The following E2F2 variants were observed in gnomAD, a reference collection of about 807,000 sequenced individuals.
The protein encoded by E2F2 is E2F transcription factor 2.
Under a neutral mutation model 42.2 loss-of-function variants are expected in E2F2, and 22 were observed. That is an observed-to-expected ratio of 0.52 (90% confidence interval 0.37 to 0.74). The LOEUF (loss-of-function observed/expected upper bound fraction) is 0.74. Ranked by LOEUF, E2F2 falls within the 30% of genes least tolerant of loss-of-function variation. E2F2 has a pLI of 0.00. For synonymous variants in E2F2, 248 were observed against 251.6 expected, an observed-to-expected ratio of 0.99 and a Z score of 0.13; for missense variants, 481 against 557.8, an observed-to-expected ratio of 0.86 and a Z score of 1.39.
Position 23,531,118 on chromosome 1 carries a change from G to T in E2F2, c.-325C>A. 1 of 301,348 alleles carries T rather than the reference G, an allele frequency of 3.3e-6. No individual in the cohort carries two copies. Among genetic ancestry groups the T allele is most frequent in the Non-Finnish European group, 6.1e-6 (1 of 163,516 alleles). 18.7% of individuals were successfully genotyped at this position (301,348 alleles called of 1,614,324 possible). A position where few individuals can be genotyped will look rare whatever the true frequency, so the allele number is the denominator to read the frequency against. On this transcript the variant is annotated 5_prime_UTR_variant, in exon 1 of 7. Coordinates refer to ENST00000361729, the MANE Select transcript of E2F2 (RefSeq NM_004091.4). ...CCTGGGGTCCGGCCGGCTCTGGGGA[G>T]GGGTCCCCGGCGTGCCCTCAAGCTC...
intron 4 of E2F2, among the ~76,000 whole-genome samples, chr1:23,520,145 C>T (rs1643108866): frequency 6.9e-6 from 1 of 144,772 alleles, no homozygotes; most frequent in African/African-American, 2.6e-5. Context: ...ACTTAGGAGG[C>T]TGAGGCAGGA....
chr1:23,521,532 C>T (rs1365586750), intron 3 of E2F2: 1 of 985,174 alleles, frequency 1.0e-6, no homozygotes, highest in Non-Finnish European at 1.2e-6. Flanking sequence ...GGATCTCTGA[C>T]TCAAGAGGAA....
chr1:23,529,506 C>T (rs778504196), intron 1 of E2F2, among the ~76,000 whole-genome samples: 6 of 152,118 alleles, frequency 3.9e-5, no homozygotes, highest in Non-Finnish European at 7.4e-5. Flanking sequence ...TCCCTGTACC[C>T]GAACTTATTC....
At chr1:23,513,070 C>G (rs1311088412) in intron 6 of E2F2, among the ~76,000 whole-genome samples, 4 of 151,462 alleles carry the variant, frequency 2.6e-5, no homozygotes, top group Non-Finnish European at 5.9e-5. Flanking sequence ...CCCTCGGCCT[C>G]TCCAAGTGCT....
At chr1:23,517,649 C>A (rs1643050392) in intron 5 of E2F2, among the ~76,000 whole-genome samples, 1 of 152,160 alleles carries the variant, frequency 6.6e-6, no homozygotes. Flanking sequence ...GAAGCTTACA[C>A]CCTAATAGAT....
In E2F2 at chr1:23,516,396, A is replaced by G; in HGVS notation, c.984T>C (p.Pro328=). Reference sequence around the variant, plus strand: ...TGCTGCTGCTGGGCTGGGCAGAGTCAGGGCTGGGGCAGAGGGTGGAGGTAG... The same window carrying G: ...TGCTGCTGCTGGGCTGGGCAGAGTCGGGGCTGGGGCAGAGGGTGGAGGTAG... ...LPSTSTLCPS[P]DSAQPSSSTD... is the part of the protein sequence containing the mutation. Residue 328 remains proline, a synonymous_variant, in exon 6 of 7, where the codon CCT becomes CCC. Transcript: ENST00000361729. 6.3e-7 allele frequency: 1 copy of G among 1,593,292 alleles called. No homozygotes were observed. The highest frequency in any genetic ancestry group is 8.5e-7 in the Non-Finnish European group (1 of 1,171,396).
Position 23,530,676 on chromosome 1 carries a change from C to T in E2F2, c.118G>A (p.Ala40Thr). 6.2e-7 allele frequency: 1 copy of T among 1,612,950 alleles called. No homozygotes were observed. The highest frequency in any genetic ancestry group is 8.5e-7 in the Non-Finnish European group (1 of 1,179,626). The change falls in exon 1 of 7, where the codon GCT (alanine) becomes ACT (threonine). Residue 40 changes from alanine to threonine, a missense_variant. Coordinates refer to ENST00000361729, the MANE Select transcript of E2F2 (RefSeq NM_004091.4). This position sits in a 1 kb window ranked among gnomAD's most constrained non-coding sequence, Gnocchi z 4.4. The stretch of plus-strand genomic sequence containing the variant: ...AGCGGTGTGTAGTAGGTAGCAGTAG[C>T]TGGGCAGAGCTGGGGGCTGCTGAGG... ...SGLSSPQLCP[A>T]TATYYTPLYP...
intron 6 of E2F2, among the ~76,000 whole-genome samples, chr1:23,513,138 A>G (rs1642944100): frequency 6.8e-6 from 1 of 146,490 alleles, no homozygotes; most frequent in African/African-American, 2.5e-5. Flanking sequence ...TTTTTTTTTA[A>G]ATCACATTTA....
chr1:23,524,823 C>T (rs1643223273), intron 1 of E2F2, among the ~76,000 whole-genome samples: 1 of 152,238 alleles, frequency 6.6e-6, no homozygotes, highest in Non-Finnish European at 1.5e-5. Flanking sequence ...CCTCACCCCA[C>T]CACACCCAGA....
intron 6 of E2F2, among the ~76,000 whole-genome samples, chr1:23,513,561 CATGTGTGTGTGTGT>C (rs1441032480): frequency 3.4e-5 from 4 of 116,038 alleles, no homozygotes; most frequent in South Asian, 2.6e-4. Context: ...CAGCACGGAA[CATGTGTGTGTGTGT>C]GTGTGTGTGT....
At chr1:23,524,280 G>C in intron 2 of E2F2, 103 bp downstream of exon 2, 1 of 932,998 alleles carries the variant, frequency 1.1e-6, no homozygotes, top group South Asian at 2.0e-5. Context: ...GGAAGCTTTT[G>C]TAAACTGGAA....
chr1:23,507,527 AAAAG>A lies in E2F2; in HGVS notation c.*2349_*2352del, dbSNP rs1459168804. 1.3e-5 allele frequency: 2 copies of A among 152,396 alleles called. No individual in the cohort carries two copies. The highest frequency in any genetic ancestry group is 2.4e-5 in the African/African-American group (1 of 41,430). The allele number at this position is 152,396 out of a possible 1,614,324, so 9.4% of individuals were successfully genotyped here. A position where few individuals can be genotyped will look rare whatever the true frequency, so the allele number is the denominator to read the frequency against. ...CGAGACTCCATCTCAAAAAAAAAAA[AAAAG>A]AAGAAAAAAAGAAAAGAAAATACCA... On this transcript the variant is annotated 3_prime_UTR_variant, in exon 7 of 7. Transcript: ENST00000361729.
At chr1:23,518,082 G>T (rs1242481251) in intron 5 of E2F2, among the ~76,000 whole-genome samples, 2 of 152,128 alleles carry the variant, frequency 1.3e-5, no homozygotes, top group African/African-American at 4.8e-5. Flanking sequence ...GAGGTGGGAG[G>T]ATGGCTTGAA....
At position 23,510,109 on chromosome 1, in the gene E2F2, G is replaced by A. The variant is rs763176248; in HGVS notation, c.1085C>T (p.Pro362Leu). ...PAPTPQQAPP[P>L]PSLVPLEATD... ...AGCCTCCAAGGGGACCAGGGATGGA[G>A]GCGGTGGGGCCTGCTGGGGGGTTGG... is the stretch of plus-strand genomic sequence containing the variant. The change falls in exon 7 of 7, where the codon CCT becomes CTT. Residue 362 changes from proline (P) to leucine (L), a missense_variant. By Grantham distance (98) the Pro-to-Leu change is moderately conservative. Transcript: ENST00000361729. 6 of 1,604,690 alleles carry A rather than the reference G, an allele frequency of 3.7e-6. No homozygotes were observed. Among genetic ancestry groups the A allele is most frequent in the African/African-American group, 2.7e-5 (2 of 74,826 alleles).
At position 23,530,730 on chromosome 1, in the gene E2F2, T is replaced by C. The variant is rs1643325938; in HGVS notation, c.64A>G (p.Met22Val). The stretch of plus-strand genomic sequence containing the variant: ...GATGGCCACAGCTCTGTGGGGCTCA[T>C]CGCGGGCACCACCTTCGGGGTCTGC... The part of the protein sequence containing the change: ...AGQTPKVVPA[M>V]SPTELWPSGL... The change falls in exon 1 of 7, where the codon ATG becomes GTG. Residue 22 changes from methionine (M) to valine (V), a missense_variant. Transcript: ENST00000361729. This position sits in a 1 kb window ranked among gnomAD's most constrained non-coding sequence, Gnocchi z 4.4. 6.2e-7 allele frequency: 1 copy of C among 1,601,158 alleles called. No individual in the cohort carries two copies. The highest frequency in any genetic ancestry group is 8.5e-7 in the Non-Finnish European group (1 of 1,174,254).
Position 23,509,888 on chromosome 1 carries a change from T to C in E2F2, c.1306A>G (p.Ile436Val). The change falls in exon 7 of 7, where the codon ATT becomes GTT. Residue 436 changes from isoleucine to valine, a missense_variant. By Grantham distance (29) the Ile-to-Val change is conservative. Transcript: ENST00000361729. ...GGGGCAGGCAGGGCCACTCAATTAA[T>C]CAACAGGTCCCCAAGGTCGTAGGAG... ...FDSYDLGDLL[I>V]N 1.3e-6 allele frequency: 2 copies of C among 1,541,116 alleles called. No individual in the cohort carries two copies. Among genetic ancestry groups the C allele is most frequent in the Non-Finnish European group, 1.8e-6 (2 of 1,140,372 alleles).
At chr1:23,525,287 T>C (rs1411308876) in intron 1 of E2F2, among the ~76,000 whole-genome samples, 2 of 151,976 alleles carry the variant, frequency 1.3e-5, no homozygotes, top group African/African-American at 2.4e-5. Context: ...TCCACCCTGT[T>C]GCCACCCGGG....
chr1:23,516,317 T>C lies in E2F2; in HGVS notation c.1045+18A>G. On this transcript the variant is annotated intron_variant, in intron 6 of 6. Transcript: ENST00000361729. ...GGTCTCTCCCCCCACCTCCTGTCCC[T>C]CTGGACAAGGGACCTACCTGAGGAT... 1 of 1,489,120 alleles carries C rather than the reference T, an allele frequency of 6.7e-7. No homozygotes were observed. The highest frequency in any genetic ancestry group is 1.4e-5 in the South Asian group (1 of 72,366). 92.2% of individuals were successfully genotyped at this position (1,489,120 alleles called of 1,614,324 possible). A position where few individuals can be genotyped will look rare whatever the true frequency, so the allele number is the denominator to read the frequency against.
chr1:23,525,828 T>TC (rs989506949), intron 1 of E2F2, among the ~76,000 whole-genome samples: 1 of 152,184 alleles, frequency 6.6e-6, no homozygotes, highest in African/African-American at 2.4e-5. Context: ...CCCATTTCTT[T>TC]CCTCTTTCCA....
Sources: gnomAD v4.1 joint callset for allele counts (sites outside exome capture counted in the v4.1 genomes callset) on GRCh38, gnomAD v4.1.1 for gene constraint, Gnocchi (gnomAD v3.1) non-coding constraint, MANE v1.5 for transcripts, NCBI Gene and HGNC (gene_info 2026-07-23, HGNC 2026-07-21) for gene names.